EP300: variants seen among roughly 807,000 people sequenced by gnomAD.
The protein encoded by EP300 is histone acetyltransferase p300.
A neutral mutation model predicts 264.0 loss-of-function variants in EP300; 31 were observed. The observed-to-expected ratio is 0.12, with a 90% CI of 0.09 to 0.16. The LOEUF (loss-of-function observed/expected upper bound fraction) is 0.16, where lower values mean the gene tolerates loss of function less well. Ranked by LOEUF, EP300 falls within the 10% of genes least tolerant of loss-of-function variation. The pLI is 1.00. For synonymous variants in EP300, 1,340 were observed against 1,045.4 expected (o/e 1.28, Z -5.44); for missense variants, 2,766 against 3,052.9 (o/e 0.91, Z 2.21).
chr22:41,179,874 CCCCACT>C lies in EP300; in HGVS notation c.*920_*925del, dbSNP rs1189390488. 170 of 153,294 alleles carry C rather than the reference CCCCACT, an allele frequency of 1.1e-3. 3 individuals carry two copies. Among genetic ancestry groups the C allele is most frequent in the African/African-American group, 4.6e-3 (152 of 32,776 alleles). 9.5% of individuals were successfully genotyped at this position (153,294 alleles called of 1,614,324 possible). A position where few individuals can be genotyped will look rare whatever the true frequency, so the allele number is the denominator to read the frequency against. On this transcript the variant is annotated 3_prime_UTR_variant, in exon 31 of 31. Coordinates refer to ENST00000263253, the MANE Select transcript of EP300 (RefSeq NM_001429.4). ...TTGCTTTCTTCCTCCTTACCCTACCCCCCACTCACACACACACACACACACACACAC... is the reference window on the plus strand; with the variant it reads ...TTGCTTTCTTCCTCCTTACCCTACCCCACACACACACACACACACACACAC...
chr22:41,092,950 AGAG>A lies in EP300; in HGVS notation c.-54_-52del. 1.3e-6 allele frequency: 2 copies of A among 1,586,048 alleles called. No homozygotes were observed. Among genetic ancestry groups the A allele is most frequent in the Non-Finnish European group, 1.7e-6 (2 of 1,154,728 alleles). On this transcript the variant is annotated 5_prime_UTR_variant, in exon 1 of 31. Transcript: ENST00000263253. ...CGGCGCGGGGACCCCGGGCCGAAGAAGAGATTTCCTGAGGATTCTGGTTTTCCT... is the reference window on the plus strand; with the variant it reads ...CGGCGCGGGGACCCCGGGCCGAAGAAATTTCCTGAGGATTCTGGTTTTCCT...
At chr22:41,105,437 C>T (rs911446830) in intron 1 of EP300, among the ~76,000 whole-genome samples, 4 of 151,540 alleles carry the variant, frequency 2.6e-5, no homozygotes, top group Non-Finnish European at 5.9e-5. Flanking sequence ...CTCACTCTGT[C>T]ATCCAGGCTG....
chr22:41,117,949 T>C (rs1173110549), intron 2 of EP300, 128 bp downstream of exon 2: 6 of 1,463,146 alleles, frequency 4.1e-6, no homozygotes, highest in Non-Finnish European at 5.6e-6. Context: ...TGTGCTGTCA[T>C]AAGTTTTAAG....
At chr22:41,167,626 A>ATG (rs2059145699) in intron 23 of EP300, among the ~76,000 whole-genome samples, 2 of 60,980 alleles carry the variant, frequency 3.3e-5, no homozygotes, top group Non-Finnish European at 6.7e-5. Context: ...ATATATATAT[A>ATG]TATATATATA....
At chr22:41,097,875 T>C (rs1308713668) in intron 1 of EP300, among the ~76,000 whole-genome samples, 1 of 152,158 alleles carries the variant, frequency 6.6e-6, no homozygotes, top group Non-Finnish European at 1.5e-5. Flanking sequence ...TTTGTATTTT[T>C]AGTAGAGACG....
chr22:41,155,302 C>T (rs761548306), intron 17 of EP300, among the ~76,000 whole-genome samples, 189 bp downstream of exon 17: 13 of 151,916 alleles, frequency 8.6e-5, no homozygotes, highest in Non-Finnish European at 1.6e-4. Flanking sequence ...GATCGTGGCT[C>T]ACTACTGTCT....
At chr22:41,131,756 G>A in intron 6 of EP300, 123 bp downstream of exon 6, 3 of 1,438,564 alleles carry the variant, frequency 2.1e-6, no homozygotes, top group Non-Finnish European at 2.9e-6. Flanking sequence ...ATTTTTTAAA[G>A]ATTACAGTGT....
chr22:41,112,884 A>G (rs150384219), intron 1 of EP300, among the ~76,000 whole-genome samples: 9 of 152,126 alleles, frequency 5.9e-5, no homozygotes, highest in African/African-American at 1.7e-4. Flanking sequence ...CCATGTGCCT[A>G]TTACCCAGCT....
rs151092312 is a variant in EP300, at chr22:41,137,633, T to C, written c.1623-20T>C. On this transcript the variant is annotated intron_variant, in intron 7 of 30. Transcript: ENST00000263253. ...TCCTACCTTTCTTCACTAAAACTAT[T>C]TGGTGACCCCTTTTTGAAGCCCAAT... 1.6e-3 allele frequency: 2,530 copies of C among 1,614,160 alleles called. 21 individuals carry two copies. The highest frequency in any genetic ancestry group is 9.1e-4 in the Non-Finnish European group (1,075 of 1,180,020).
At chr22:41,167,045 C>T (rs2059138535) in intron 23 of EP300, among the ~76,000 whole-genome samples, 1 of 152,140 alleles carries the variant, frequency 6.6e-6, no homozygotes, top group Non-Finnish European at 1.5e-5. Context: ...CCCCAGGCTG[C>T]ACAGTGCAGT....
chr22:41,159,709 CTG>C (rs1408225690), intron 19 of EP300: 4 of 152,302 alleles, frequency 2.6e-5, no homozygotes, highest in South Asian at 2.1e-4. Flanking sequence ...GGGTCTCACT[CTG>C]TCACTCAGGC....
chr22:41,138,635 C>CAT (rs2058965530), intron 8 of EP300, among the ~76,000 whole-genome samples: 2 of 152,104 alleles, frequency 1.3e-5, no homozygotes, highest in South Asian at 4.1e-4. Flanking sequence ...GAGGGGGAGG[C>CAT]ATATAGAGCA....
chr22:41,178,679 CCCA>C lies in EP300; in HGVS notation c.6970_6972del (p.His2324del). On this transcript the variant is annotated inframe_deletion, in exon 31 of 31. Transcript: ENST00000263253. Reference sequence around the variant, plus strand: ...TCTCCACGGCCACAGTCCCAGCCCCCCCACTCCAGTCCTTCCCCAAGGATGCAG... The same window carrying C: ...TCTCCACGGCCACAGTCCCAGCCCCCCTCCAGTCCTTCCCCAAGGATGCAG... The C allele has an allele frequency of 6.2e-7, 1 of 1,614,206 alleles. No individual in the cohort carries two copies. Among genetic ancestry groups the C allele is most frequent in the African/African-American group, 1.3e-5 (1 of 75,040 alleles).
At chr22:41,110,788 A>G (rs923413555) in intron 1 of EP300, among the ~76,000 whole-genome samples, 3 of 151,974 alleles carry the variant, frequency 2.0e-5, no homozygotes, top group Admixed American at 2.0e-4. Context: ...TTTCTTGACA[A>G]ACTTCTAGAA....
chr22:41,132,645 A>G (rs751697089), intron 6 of EP300, among the ~76,000 whole-genome samples: 4 of 152,146 alleles, frequency 2.6e-5, no homozygotes, highest in African/African-American at 4.8e-5. Context: ...TTTAAACTAT[A>G]CAACAGAAAT....
At chr22:41,145,271 T>G (rs977130072) in intron 10 of EP300, among the ~76,000 whole-genome samples, 2 of 152,284 alleles carry the variant, frequency 1.3e-5, no homozygotes, top group Non-Finnish European at 2.9e-5. Context: ...TTTTATGTAA[T>G]GAGCATGGAT....
chr22:41,093,187 T>A (rs2058683489), intron 1 of EP300, 89 bp downstream of exon 1: 1 of 1,273,848 alleles, frequency 7.9e-7, no homozygotes, highest in African/African-American at 1.5e-5. Context: ...TTTCTTCCTC[T>A]CTCTCTAGTT....
intron 2 of EP300, among the ~76,000 whole-genome samples, chr22:41,123,062 T>G (rs779991920): frequency 7.2e-5 from 11 of 152,002 alleles, no homozygotes; most frequent in African/African-American, 1.2e-4. Flanking sequence ...AAGAAAAATT[T>G]TATTAAGAGC....
At chr22:41,176,615 T>C (rs2145514421) in intron 30 of EP300, 87 bp downstream of exon 30, 1 of 1,607,522 alleles carries the variant, frequency 6.2e-7, no homozygotes. Context: ...TAGAGGCCTG[T>C]GGGATGCTAG....
Sources: allele counts gnomAD v4.1 joint callset (sites outside exome capture counted in the v4.1 genomes callset), GRCh38; gene constraint gnomAD v4.1.1; transcripts MANE v1.5; gene names NCBI Gene and HGNC (gene_info 2026-07-23, HGNC 2026-07-21).